CDH3: variants seen among roughly 807,000 people sequenced by gnomAD.
CDH3 encodes the protein cadherin-3.
Under a neutral mutation model 82.0 loss-of-function variants are expected in CDH3, and 54 were observed. The ratio of observed to expected loss-of-function variants is 0.66; its 90% confidence interval spans 0.53 to 0.83. The LOEUF (loss-of-function observed/expected upper bound fraction) is 0.83. Among genes scored for constraint, CDH3 ranks in the 40% least tolerant of loss-of-function variants. CDH3 has a pLI of 0.00. For missense variants in CDH3, 1,054 were observed against 1,084.6 expected, an observed-to-expected ratio of 0.97 and a Z score of 0.40; for synonymous variants, 446 against 437.9, an observed-to-expected ratio of 1.02 and a Z score of -0.23.
At chr16:68,686,290 GTCTTT>G in intron 11 of CDH3, 1 of 702,528 alleles carries the variant, frequency 1.4e-6, no homozygotes, top group South Asian at 1.7e-5. Context: ...CACCCAGGCG[GTCTTT>G]TCACGTGTCG....
At chr16:68,727,496 A>G (rs1038925101), downstream of CDH3, among the ~76,000 whole-genome samples, 1 of 152,020 alleles carries the variant, frequency 6.6e-6, no homozygotes, top group Admixed American at 6.6e-5. Flanking sequence ...TCTGCTTCCA[A>G]ATCTGTAAAA....
At position 68,691,835 on chromosome 16, in the gene CDH3, G is replaced by A. The variant is rs1477188271; in HGVS notation, c.1911G>A (p.Val637=). 2 of 1,613,988 alleles carry A rather than the reference G, an allele frequency of 1.2e-6. No individual in the cohort carries two copies. The highest frequency in any genetic ancestry group is 1.3e-5 in the African/African-American group (1 of 74,914). ...KEQLTVIRAT[V]CDCHGHVETC... is the part of the protein sequence containing the mutation. ...AGCTGACGGTGATCAGGGCCACTGT[G>A]TGCGACTGCCATGGCCATGTCGAAA... The change falls in exon 13 of 16, where the codon GTG becomes GTA. Residue 637 remains valine (V), a synonymous_variant. Coordinates refer to ENST00000264012, the MANE Select transcript of CDH3 (RefSeq NM_001793.6).
In CDH3 at chr16:68,682,386, G is replaced by T. The variant is rs757205517; in HGVS notation, c.1081G>T (p.Ala361Ser). The T allele has an allele frequency of 2.7e-5, 44 of 1,613,966 alleles. No homozygotes were observed. The highest frequency in any genetic ancestry group is 3.5e-5 in the Non-Finnish European group (41 of 1,180,028). The change falls in exon 9 of 16, where the codon GCG (alanine) becomes TCG (serine). Residue 361 changes from alanine (A) to serine (S), a missense_variant. Ala to Ser is a moderately conservative substitution (Grantham distance 99). Transcript: ENST00000264012. ...TGATCTGGACGCCCCCAACTCACCA[G>T]CGTGGCGTGCCACCTACCTTATCAT... ...VTDLDAPNSP[A>S]WRATYLIMGG...
intron 2 of CDH3, among the ~76,000 whole-genome samples, chr16:68,655,829 C>T (rs1262616518): frequency 2.0e-5 from 3 of 152,128 alleles, no homozygotes; most frequent in Admixed American, 2.0e-4. Context: ...AGCCACTCCA[C>T]TCCAGCCTGG....
In CDH3 at chr16:68,661,019, C is replaced by T. The variant is rs142617896; in HGVS notation, c.160+15269C>T. ...CAAATAATTCATAATTCCCATGATTCAAGACTTATATTCTCATATGAATAC... is the reference window on the plus strand; with the variant it reads ...CAAATAATTCATAATTCCCATGATTTAAGACTTATATTCTCATATGAATAC... On this transcript the variant is annotated intron_variant, in intron 2 of 15. Coordinates refer to ENST00000264012, the MANE Select transcript of CDH3 (RefSeq NM_001793.6). 4.7e-3 allele frequency among the ~76,000 whole-genome samples: 715 copies of T among 151,472 alleles called. 10 individuals carry two copies. The highest frequency in any genetic ancestry group is 0.016 in the African/African-American group (666 of 41,300).
downstream of CDH3, among the ~76,000 whole-genome samples, chr16:68,730,676 A>G (rs543649413): frequency 6.6e-6 from 1 of 152,154 alleles, no homozygotes; most frequent in Non-Finnish European, 1.5e-5. Context: ...TCTTTCTCAG[A>G]TATGCAGACT....
At chr16:68,660,582 T>A (rs945352641) in intron 2 of CDH3, among the ~76,000 whole-genome samples, 2 of 152,230 alleles carry the variant, frequency 1.3e-5, no homozygotes, top group African/African-American at 4.8e-5. Flanking sequence ...GAGGAGCTTA[T>A]GAGTTTTTTT....
intron 8 of CDH3, 93 bp from the exon 9 acceptor site, chr16:68,682,209 G>A: frequency 7.2e-7 from 1 of 1,398,550 alleles, no homozygotes; most frequent in Non-Finnish European, 9.9e-7. Context: ...GTAAAGGCAT[G>A]GGGATCCCCT....
downstream of CDH3, among the ~76,000 whole-genome samples, chr16:68,701,801 G>A (rs577510894): frequency 2.1e-4 from 32 of 151,876 alleles, no homozygotes; most frequent in Middle Eastern, 3.4e-3. Flanking sequence ...TGAGGCGGGC[G>A]GATTATGAGG....
chr16:68,653,668 A>ATTTCTTTTCTTTTCTTTTC (rs1960315658), intron 2 of CDH3, among the ~76,000 whole-genome samples: 1 of 149,000 alleles, frequency 6.7e-6, no homozygotes, highest in Non-Finnish European at 1.5e-5. Flanking sequence ...AGGGCCCTGA[A>ATTTCTTTTCTTTTCTTTTC]TTTCTTTTCT....
intron 1 of CDH3, among the ~76,000 whole-genome samples, chr16:68,706,175 A>G (rs1961961494): frequency 6.6e-6 from 1 of 152,124 alleles, no homozygotes; most frequent in Non-Finnish European, 1.5e-5. Flanking sequence ...ACTCCTAAGT[A>G]AAAGATACTC....
intron 2 of CDH3, among the ~76,000 whole-genome samples, chr16:68,726,224 A>G (rs1962217549): frequency 6.6e-6 from 1 of 152,030 alleles, no homozygotes; most frequent in African/African-American, 2.4e-5. Flanking sequence ...CTTCTGGGAA[A>G]TGGGGATGAT....
At chr16:68,696,062 C>T (rs1014350235) in intron 15 of CDH3, 139 bp downstream of exon 15, 3 of 855,928 alleles carry the variant, frequency 3.5e-6, no homozygotes, top group African/African-American at 3.3e-5. Context: ...TGACCTCTGG[C>T]TTATTTGAGT....
Position 68,679,913 on chromosome 16 carries a change from T to C in CDH3, c.806T>C (p.Met269Thr), listed in dbSNP as rs72785136. The C allele has an allele frequency of 3.1e-6, 5 of 1,614,086 alleles. No homozygotes were observed. Among genetic ancestry groups the C allele is most frequent in the African/African-American group, 1.3e-5 (1 of 75,034 alleles). The change falls in exon 7 of 16, where the codon ATG becomes ACG. Residue 269 changes from methionine to threonine, a missense_variant. Met to Thr is a moderately conservative substitution (Grantham distance 81). Coordinates refer to ENST00000264012, the MANE Select transcript of CDH3 (RefSeq NM_001793.6). ...GAACCAAAGGACCCACACGACCTCATGTTCACCATTCACCGGAGCACAGGC... is the reference window on the plus strand; with the variant it reads ...GAACCAAAGGACCCACACGACCTCACGTTCACCATTCACCGGAGCACAGGC... ...SQEPKDPHDL[M>T]FTIHRSTGTI... is the part of the protein sequence containing the mutation.
intron 2 of CDH3, among the ~76,000 whole-genome samples, chr16:68,646,357 C>G (rs1960062597): frequency 6.6e-6 from 1 of 152,174 alleles, no homozygotes; most frequent in South Asian, 2.1e-4. Flanking sequence ...CGTACGGGAA[C>G]CACCCCGCCC....
intron 1 of CDH3, among the ~76,000 whole-genome samples, chr16:68,717,908 A>G (rs1412775535): frequency 6.6e-6 from 1 of 152,148 alleles, no homozygotes; most frequent in East Asian, 1.9e-4. Context: ...CCTTCACTAT[A>G]TGAGCTGCCC....
At chr16:68,711,981 C>G (rs1962036332) in intron 1 of CDH3, among the ~76,000 whole-genome samples, 1 of 151,528 alleles carries the variant, frequency 6.6e-6, no homozygotes, top group African/African-American at 2.4e-5. Flanking sequence ...TCCTAGGAAG[C>G]TAGGAGTCCA....
Position 68,718,596 on chromosome 16 carries a change from C to T in CDH3, c.100-3829C>T, listed in dbSNP as rs149450108. On this transcript the variant is annotated intron_variant, in intron 1 of 2. Coordinates refer to the CDH3 transcript ENST00000569080. ...ACTCGGGAGGCTGAGACAACAAAAT[C>T]GCTTGAACCCGGGAGGTGGAGGTTG... Among the ~76,000 whole-genome samples the T allele has an allele frequency of 8.0e-4, 122 of 152,086 alleles. 1 individual carries two copies. Among genetic ancestry groups the T allele is most frequent in the African/African-American group, 2.7e-3 (112 of 41,526 alleles).
intron 2 of CDH3, among the ~76,000 whole-genome samples, chr16:68,669,413 C>T (rs1960825751): frequency 6.6e-6 from 1 of 152,216 alleles, no homozygotes; most frequent in Admixed American, 6.5e-5. Context: ...ACCTATAATA[C>T]ATGACCGTTG....
Sources: gnomAD v4.1 joint callset for allele counts (sites outside exome capture counted in the v4.1 genomes callset) on GRCh38, gnomAD v4.1.1 for gene constraint, MANE v1.5 for transcripts, NCBI Gene and HGNC (gene_info 2026-07-23, HGNC 2026-07-21) for gene names.